PDPN: variants seen among roughly 807,000 people sequenced by gnomAD.
PDPN encodes PA2.26 antigen.
PDPN carries 12 observed loss-of-function variants against 23.2 expected under a neutral mutation model. The ratio of observed to expected loss-of-function variants is 0.52; its 90% CI spans 0.33 to 0.84. PDPN has a LOEUF of 0.84. PDPN is among the 40% of genes least tolerant of loss of function. PDPN has a pLI of 0.02. For synonymous variants in PDPN, 77 were observed against 76.7 expected (o/e 1.00, Z -0.02); for missense variants, 199 against 212.2 (o/e 0.94, Z 0.39).
At chr1:13,614,516 G>A in intron 5 of PDPN, 105 bp downstream of exon 5, 1 of 716,364 alleles carries the variant, frequency 1.4e-6, no homozygotes, top group Non-Finnish European at 2.5e-6. Flanking sequence ...TGGGTGTGGT[G>A]GCTCGTGCCT....
At chr1:13,614,484 A>G in intron 5 of PDPN, 73 bp downstream of exon 5, 1 of 828,950 alleles carries the variant, frequency 1.2e-6, no homozygotes. Flanking sequence ...TCTTTGAACT[A>G]ATAGAAATCT....
chr1:13,613,595 T>A, intron 3 of PDPN, 92 bp from the exon 4 acceptor site: 1 of 728,918 alleles, frequency 1.4e-6, no homozygotes, highest in East Asian at 2.7e-5. Context: ...GTTTTGCTGC[T>A]TTCCACTTGG....
At chr1:13,607,443 T>TA (rs1297776106) in intron 2 of PDPN, 137 bp downstream of exon 2, 3 of 543,854 alleles carry the variant, frequency 5.5e-6, no homozygotes, top group African/African-American at 3.9e-5. Context: ...AAGGAATAGT[T>TA]ACGTGGCTCA....
rs1277806334 is a variant in PDPN at position 13,617,930 on chromosome 1, T to C, written c.*2019T>C. Reference sequence around the variant, plus strand: ...GTGCTCAATGCAGTGTAGACATGTTTTCAAATAAAACAAATGATTGTGTAC... The same window carrying C: ...GTGCTCAATGCAGTGTAGACATGTTCTCAAATAAAACAAATGATTGTGTAC... On this transcript the variant is annotated 3_prime_UTR_variant, in exon 6 of 6. Transcript: ENST00000621990. 4 of 152,146 alleles carry C rather than the reference T, an allele frequency of 2.6e-5. No individual in the cohort carries two copies. Among genetic ancestry groups the C allele is most frequent in the African/African-American group, 9.7e-5 (4 of 41,422 alleles). The allele number at this position is 152,146 out of a possible 1,614,324, so 9.4% of individuals were successfully genotyped here. A position where few individuals can be genotyped will look rare whatever the true frequency, so the allele number is the denominator to read the frequency against.
At chr1:13,588,414 C>T (rs10927904) in intron 1 of PDPN, among the ~76,000 whole-genome samples, 57,977 of 151,478 alleles carry the variant, frequency 0.38, 12,072 homozygotes, top group African/African-American at 0.56. Context: ...TCCGGGAGAA[C>T]AGAACACAAC....
At position 13,583,979 on chromosome 1, in the gene PDPN, C is replaced by T; in HGVS notation, c.-55C>T. 6.2e-7 allele frequency: 1 copy of T among 1,613,750 alleles called. No homozygotes were observed. The highest frequency in any genetic ancestry group is 2.2e-5 in the East Asian group (1 of 44,876). The stretch of plus-strand genomic sequence containing the variant: ...GGCCGCGGTGCTTTTTAATTTTCCC[C>T]CAGCTCAGAATCTTGCTGCTCGGCC... On this transcript the variant is annotated 5_prime_UTR_variant, in exon 1 of 6. Coordinates refer to ENST00000621990, the MANE Select transcript of PDPN (RefSeq NM_006474.5).
chr1:13,599,011 C>CTTTTTTTTTTTTTTTTTTTTTT lies in PDPN; in HGVS notation c.68-8145_68-8144insTTTTTTTTTTTTTTTTTTTTTT, dbSNP rs35244657. 7.1e-4 allele frequency among the ~76,000 whole-genome samples: 90 copies of CTTTTTTTTTTTTTTTTTTTTTT among 127,026 alleles called. 7 individuals carry two copies. The highest frequency in any genetic ancestry group is 4.6e-3 in the Middle Eastern group (1 of 218). 83.3% of individuals were successfully genotyped at this position (127,026 alleles called of 152,430 possible). ...ACAGTCCAAGAAAGTGCCCCCCCTC[C>CTTTTTTTTTTTTTTTTTTTTTT]TTTTTTTTTTTTTTTTTGGAGATGG... On this transcript the variant is annotated intron_variant, in intron 1 of 5. Coordinates refer to ENST00000621990, the MANE Select transcript of PDPN (RefSeq NM_006474.5).
chr1:13,585,177 C>T (rs1421378295), intron 1 of PDPN, among the ~76,000 whole-genome samples: 3 of 152,064 alleles, frequency 2.0e-5, no homozygotes, highest in African/African-American at 7.2e-5. Flanking sequence ...AAACATTTTC[C>T]AAAAATTGAG....
chr1:13,609,585 C>G (rs903397567), intron 2 of PDPN, among the ~76,000 whole-genome samples: 2 of 152,190 alleles, frequency 1.3e-5, no homozygotes, highest in Non-Finnish European at 2.9e-5. Flanking sequence ...AACAATAACT[C>G]ATTCTTCCCT....
At chr1:13,593,571 CCACATTCTG>C (rs1317081787) in intron 1 of PDPN, among the ~76,000 whole-genome samples, 1 of 152,196 alleles carries the variant, frequency 6.6e-6, no homozygotes, top group Non-Finnish European at 1.5e-5. Context: ...GTGGAAACGG[CCACATTCTG>C]CACATTCCTG....
chr1:13,590,409 CTAT>C (rs1211116441), intron 1 of PDPN, among the ~76,000 whole-genome samples: 1 of 152,170 alleles, frequency 6.6e-6, no homozygotes, highest in Non-Finnish European at 1.5e-5. Flanking sequence ...GCGGCACATG[CTAT>C]TATTGTCTGT....
At chr1:13,596,561 C>T (rs1640502087) in intron 1 of PDPN, among the ~76,000 whole-genome samples, 1 of 152,204 alleles carries the variant, frequency 6.6e-6, no homozygotes, top group African/African-American at 2.4e-5. Context: ...GTTGAGGGCA[C>T]ACAGCTCTGG....
At chr1:13,603,532 C>T (rs761358982) in intron 1 of PDPN, among the ~76,000 whole-genome samples, 1 of 151,554 alleles carries the variant, frequency 6.6e-6, no homozygotes, top group Non-Finnish European at 1.5e-5. Context: ...ATTAAGAACC[C>T]CAAGTGACAG....
At chr1:13,587,720 C>T (rs1286936557) in intron 1 of PDPN, among the ~76,000 whole-genome samples, 1 of 152,136 alleles carries the variant, frequency 6.6e-6, no homozygotes, top group Non-Finnish European at 1.5e-5. Context: ...ATTTGCTGGG[C>T]AAGAGATACA....
At position 13,601,385 on chromosome 1, in the gene PDPN, C is replaced by G. The variant is rs539059361; in HGVS notation, c.68-5788C>G. Among the ~76,000 whole-genome samples, 47 of 152,324 alleles carry G rather than the reference C, an allele frequency of 3.1e-4. 1 individual carries two copies. The highest frequency in any genetic ancestry group is 8.7e-4 in the African/African-American group (36 of 41,582). The stretch of plus-strand genomic sequence containing the variant: ...GTATTTGTTTGTTTTGGGACCATGT[C>G]TTGCTCTGTCACCCAGGCTGCAGTG... On this transcript the variant is annotated intron_variant, in intron 1 of 5. Coordinates refer to ENST00000621990, the MANE Select transcript of PDPN (RefSeq NM_006474.5).
chr1:13,612,577 C>T (rs1205291484), intron 3 of PDPN, among the ~76,000 whole-genome samples: 4 of 152,106 alleles, frequency 2.6e-5, no homozygotes, highest in African/African-American at 7.2e-5. Flanking sequence ...CAAATCCAGC[C>T]GTGTCCTATA....
chr1:13,595,732 A>G (rs1217597624), intron 1 of PDPN: 2 of 512,576 alleles, frequency 3.9e-6, no homozygotes, highest in Admixed American at 2.3e-5. Context: ...GTGAATGGGC[A>G]TGGCGCTGCT....
At chr1:13,611,678 T>C (rs1048515586) in intron 3 of PDPN, among the ~76,000 whole-genome samples, 3 of 152,206 alleles carry the variant, frequency 2.0e-5, no homozygotes, top group East Asian at 3.8e-4. Flanking sequence ...ATAGTGTGAA[T>C]GTACTTAATA....
At chr1:13,586,513 C>T (rs1377710935) in intron 1 of PDPN, among the ~76,000 whole-genome samples, 1 of 152,062 alleles carries the variant, frequency 6.6e-6, no homozygotes, top group Non-Finnish European at 1.5e-5. Context: ...GAGCAGCACG[C>T]GAGTGACTCT....
Sources: gnomAD v4.1 joint callset for allele counts (sites outside exome capture counted in the v4.1 genomes callset) on GRCh38, gnomAD v4.1.1 for gene constraint, MANE v1.5 for transcripts, NCBI Gene and HGNC (gene_info 2026-07-23, HGNC 2026-07-21) for gene names.